The following SHC4 variants were observed in gnomAD, a reference collection of about 807,000 sequenced individuals.
SHC4 encodes SHC adaptor protein 4, also known as SHC-transforming protein 4.
A neutral mutation model predicts 69.4 loss-of-function variants in SHC4; 41 were observed. The observed-to-expected ratio is 0.59, with a 90% confidence interval of 0.46 to 0.77. The LOEUF is 0.77. SHC4 is among the 30% of genes least tolerant of loss of function. SHC4 has a pLI of 0.00. For synonymous variants in SHC4, 318 were observed against 299.3 expected, an observed-to-expected ratio of 1.06 and a Z score of -0.64; for missense variants, 777 against 783.8, an observed-to-expected ratio of 0.99 and a Z score of 0.10.
At chr15:48,921,508 A>AT (rs1475366718) in intron 2 of SHC4, among the ~76,000 whole-genome samples, 3 of 151,812 alleles carry the variant, frequency 2.0e-5, no homozygotes, top group Non-Finnish European at 4.4e-5. Context: ...CTAATTTTGT[A>AT]TTTTTTTAGT....
intron 2 of SHC4, among the ~76,000 whole-genome samples, chr15:48,910,274 C>A (rs1900484816): frequency 6.6e-6 from 1 of 151,936 alleles, no homozygotes; most frequent in South Asian, 2.1e-4. Flanking sequence ...CTAATTCTTC[C>A]TGATTTAAGC....
chr15:48,862,736 C>A (rs1340851378), intron 6 of SHC4, among the ~76,000 whole-genome samples: 4 of 152,178 alleles, frequency 2.6e-5, no homozygotes, highest in Non-Finnish European at 5.9e-5. Context: ...CATCTTCCCA[C>A]CCTCATGCCC....
At position 48,950,036 on chromosome 15, in the gene SHC4, AAT is replaced by A. The variant is rs1372204532; in HGVS notation, c.585+12393_585+12394del. The stretch of plus-strand genomic sequence containing the variant: ...ATATTTATTATTAATAAATAATATA[AAT>A]ATAATACAATAAATATATTTATTAA... On this transcript the variant is annotated intron_variant, in intron 1 of 11. Transcript: ENST00000332408. Among the ~76,000 whole-genome samples the A allele has an allele frequency of 1.3e-4, 18 of 142,354 alleles. No homozygotes were observed. In the East Asian group the frequency reaches 3.4e-3, roughly 27 times the overall value. 93.4% of individuals were successfully genotyped at this position (142,354 alleles called of 152,430 possible).
chr15:48,956,974 CTTTTT>C (rs773067812), intron 1 of SHC4, among the ~76,000 whole-genome samples: 135 of 19,534 alleles, frequency 6.9e-3, no homozygotes, highest in Middle Eastern at 0.056. Context: ...TTCTTTCTTT[CTTTTT>C]TTTTTTTTTT....
intron 4 of SHC4, among the ~76,000 whole-genome samples, chr15:48,875,011 T>C (rs541702883): frequency 3.3e-4 from 51 of 152,282 alleles, no homozygotes; most frequent in Middle Eastern, 6.8e-3. Flanking sequence ...CAAACTTCAC[T>C]GGAGAGGTTC....
At chr15:48,872,551 GA>G (rs1252762014) in intron 4 of SHC4, among the ~76,000 whole-genome samples, 3 of 152,224 alleles carry the variant, frequency 2.0e-5, no homozygotes, top group African/African-American at 7.2e-5. Flanking sequence ...GCTGGAATAT[GA>G]AGCTTTTCTT....
chr15:48,944,949 G>C (rs1321029037), intron 1 of SHC4, among the ~76,000 whole-genome samples: 1 of 152,168 alleles, frequency 6.6e-6, no homozygotes, highest in African/African-American at 2.4e-5. Flanking sequence ...GCATGGCTAA[G>C]AATACAAAAA....
chr15:48,897,087 G>A (rs140616389), intron 2 of SHC4, among the ~76,000 whole-genome samples: 2 of 152,160 alleles, frequency 1.3e-5, no homozygotes, highest in Admixed American at 6.5e-5. Context: ...GCTGAGTGGC[G>A]GTGAGACTTT....
chr15:48,868,147 C>T (rs1030667788), intron 5 of SHC4, among the ~76,000 whole-genome samples: 14 of 152,184 alleles, frequency 9.2e-5, no homozygotes, highest in African/African-American at 3.4e-4. Context: ...AGATAGGGAA[C>T]ATGTTAGGAC....
intron 6 of SHC4, among the ~76,000 whole-genome samples, chr15:48,861,787 A>G (rs1899448794): frequency 6.6e-6 from 1 of 152,154 alleles, no homozygotes; most frequent in Non-Finnish European, 1.5e-5. Context: ...CTAAACTAAG[A>G]TTCAAAAGAA....
intron 4 of SHC4, among the ~76,000 whole-genome samples, chr15:48,872,961 C>T (rs1289365312): frequency 6.6e-6 from 1 of 152,170 alleles, no homozygotes; most frequent in East Asian, 1.9e-4. Context: ...ACAGAATCTA[C>T]CAAAGCTGAT....
chr15:48,869,484 T>G (rs1218295986), intron 5 of SHC4, among the ~76,000 whole-genome samples: 1 of 152,208 alleles, frequency 6.6e-6, no homozygotes, highest in African/African-American at 2.4e-5. Context: ...AATATGGGTA[T>G]GTGTTAGCAA....
At chr15:48,856,574 A>G (rs1276720073) in intron 7 of SHC4, among the ~76,000 whole-genome samples, 2 of 152,190 alleles carry the variant, frequency 1.3e-5, no homozygotes, top group African/African-American at 4.8e-5. Flanking sequence ...CCAAAATGAA[A>G]AAAAAAATAA....
At chr15:48,865,871 T>A (rs955409248) in intron 6 of SHC4, among the ~76,000 whole-genome samples, 1 of 152,162 alleles carries the variant, frequency 6.6e-6, no homozygotes, top group Admixed American at 6.5e-5. Flanking sequence ...GCTTTCAAAG[T>A]GAATGTGCTG....
At chr15:48,870,765 GT>G (rs1318985293) in intron 5 of SHC4, among the ~76,000 whole-genome samples, 12 of 152,120 alleles carry the variant, frequency 7.9e-5, no homozygotes, top group Admixed American at 7.9e-4. Context: ...TTATTGAAGT[GT>G]TTTTAAGAAT....
At chr15:48,944,275 T>C (rs571126385) in intron 1 of SHC4, among the ~76,000 whole-genome samples, 1 of 152,002 alleles carries the variant, frequency 6.6e-6, no homozygotes, top group South Asian at 2.1e-4. Context: ...CTTTTGTTCC[T>C]TTTCCTTTCC....
chr15:48,961,214 A>G (rs965174077), intron 1 of SHC4, among the ~76,000 whole-genome samples: 1 of 152,104 alleles, frequency 6.6e-6, no homozygotes, highest in Non-Finnish European at 1.5e-5. Context: ...AAATCAACCA[A>G]CTGGTCTTTT....
intron 11 of SHC4, among the ~76,000 whole-genome samples, chr15:48,834,207 T>C (rs972627611): frequency 1.3e-5 from 2 of 152,254 alleles, no homozygotes; most frequent in Non-Finnish European, 2.9e-5. Context: ...ACCATTCTAT[T>C]ACTCTGTCTG....
intron 5 of SHC4, among the ~76,000 whole-genome samples, chr15:48,868,867 T>C (rs1453973359): frequency 6.6e-6 from 1 of 152,228 alleles, no homozygotes; most frequent in East Asian, 1.9e-4. Flanking sequence ...TTAAATATCC[T>C]CTAAATAAAT....
Sources: gnomAD v4.1 joint callset for allele counts (sites outside exome capture counted in the v4.1 genomes callset) on GRCh38, gnomAD v4.1.1 for gene constraint, MANE v1.5 for transcripts, NCBI Gene and HGNC (gene_info 2026-07-23, HGNC 2026-07-21) for gene names.